The following CAPZB variants were observed in gnomAD, a reference collection of about 807,000 sequenced individuals.
CAPZB encodes capping actin protein of muscle Z-line subunit beta, also known as F-actin-capping protein subunit beta.
In CAPZB, 2 loss-of-function variants were observed where a neutral mutation model predicts 38.1. That is an observed-to-expected ratio of 0.05 (90% CI 0.02 to 0.17). CAPZB has a LOEUF of 0.17. CAPZB is among the 10% of genes least tolerant of loss of function. The pLI is 1.00. For missense variants in CAPZB, 161 were observed against 334.2 expected (o/e 0.48, Z 4.04); for synonymous variants, 107 against 127.4 (o/e 0.84, Z 1.08).
chr1:19,346,872 G>A (rs967183560), intron 6 of CAPZB, among the ~76,000 whole-genome samples: 1 of 144,862 alleles, frequency 6.9e-6, no homozygotes, highest in African/African-American at 2.6e-5. Context: ...CGCCCAGGCT[G>A]GAGTGCAATG....
chr1:19,403,921 CCT>C (rs1371203397), intron 2 of CAPZB, among the ~76,000 whole-genome samples: 2 of 152,142 alleles, frequency 1.3e-5, no homozygotes, highest in African/African-American at 4.8e-5. Flanking sequence ...GCAGTTCCTC[CCT>C]GTCACATGCC....
chr1:19,399,454 G>GT (rs1159734480), intron 2 of CAPZB, among the ~76,000 whole-genome samples: 5 of 152,210 alleles, frequency 3.3e-5, no homozygotes, highest in Non-Finnish European at 7.3e-5. Flanking sequence ...AGTCGTAGCT[G>GT]TTTGACTCTT....
chr1:19,418,990 G>A (rs1443002228), intron 2 of CAPZB, among the ~76,000 whole-genome samples: 4 of 152,296 alleles, frequency 2.6e-5, no homozygotes, highest in East Asian at 1.9e-4. Flanking sequence ...AGGGTGATTC[G>A]GCTGGCCTCT....
At chr1:19,407,308 G>A (rs1387753782) in intron 2 of CAPZB, among the ~76,000 whole-genome samples, 1 of 152,156 alleles carries the variant, frequency 6.6e-6, no homozygotes, top group Non-Finnish European at 1.5e-5. Context: ...GGTAGCAGCA[G>A]GTGAGCTGCT....
intron 1 of CAPZB, 30 bp from the exon 2 acceptor site, chr1:19,419,780 T>G: frequency 1.6e-6 from 2 of 1,281,848 alleles, no homozygotes; most frequent in Non-Finnish European, 2.2e-6. Flanking sequence ...AGTGCGTCAG[T>G]CATTTTTGCC....
At chr1:19,437,148 G>A (rs955098223) in intron 1 of CAPZB, among the ~76,000 whole-genome samples, 3 of 152,212 alleles carry the variant, frequency 2.0e-5, no homozygotes, top group African/African-American at 7.2e-5. Context: ...AGATAAAAAG[G>A]TTTCTCATCC....
At chr1:19,363,259 A>ATT (rs1558186990) in intron 4 of CAPZB, among the ~76,000 whole-genome samples, 5 of 83,606 alleles carry the variant, frequency 6.0e-5, no homozygotes, top group East Asian at 1.0e-3. Context: ...TTAAAAAAAA[A>ATT]ATTTTTTTTT....
At chr1:19,424,632 A>C (rs1261514168) in intron 1 of CAPZB, 1 of 152,356 alleles carries the variant, frequency 6.6e-6, no homozygotes, top group African/African-American at 2.4e-5. Context: ...GAGAGGGCTT[A>C]GGACTCAGGA....
chr1:19,421,431 A>G (rs1167090632), intron 1 of CAPZB, among the ~76,000 whole-genome samples: 5 of 152,254 alleles, frequency 3.3e-5, no homozygotes. Context: ...CTTGCTCAAG[A>G]TGGCTATCAG....
chr1:19,342,840 G>GAA (rs2093938153), intron 8 of CAPZB: 1 of 1,609,634 alleles, frequency 6.2e-7, no homozygotes, highest in Non-Finnish European at 8.5e-7. Context: ...TAAACTTTTG[G>GAA]TTGTCAGGGA....
intron 1 of CAPZB, among the ~76,000 whole-genome samples, chr1:19,453,902 C>T (rs2094524681): frequency 7.6e-6 from 1 of 132,144 alleles, no homozygotes; most frequent in African/African-American, 2.7e-5. Context: ...GACATCCCTA[C>T]TGCCATTTTA....
chr1:19,476,680 G>A (rs186356469), intron 1 of CAPZB, among the ~76,000 whole-genome samples: 4 of 152,382 alleles, frequency 2.6e-5, no homozygotes, highest in Non-Finnish European at 5.9e-5. Context: ...CCACACAGTG[G>A]CCGACGCTAG....
chr1:19,420,535 G>C (rs1314520663), intron 1 of CAPZB, among the ~76,000 whole-genome samples: 1 of 145,680 alleles, frequency 6.9e-6, no homozygotes, highest in Non-Finnish European at 1.5e-5. Flanking sequence ...TCCCACCTCA[G>C]CCTCCAAAGT....
chr1:19,455,522 A>G (rs2094530325), intron 1 of CAPZB, among the ~76,000 whole-genome samples: 1 of 152,192 alleles, frequency 6.6e-6, no homozygotes, highest in Non-Finnish European at 1.5e-5. Context: ...GTCCTGTCAC[A>G]CGCTAGTGGT....
At chr1:19,360,843 C>T (rs2094049116) in intron 4 of CAPZB, among the ~76,000 whole-genome samples, 1 of 152,164 alleles carries the variant, frequency 6.6e-6, no homozygotes, top group Non-Finnish European at 1.5e-5. Flanking sequence ...AAAATGCAAG[C>T]TCAATTGTCA....
At chr1:19,419,172 T>C (rs1043816684) in intron 2 of CAPZB, among the ~76,000 whole-genome samples, 9 of 152,214 alleles carry the variant, frequency 5.9e-5, no homozygotes, top group African/African-American at 2.2e-4. Context: ...AAAAACTAGA[T>C]GTGACGGGCC....
intron 6 of CAPZB, among the ~76,000 whole-genome samples, chr1:19,353,897 G>A (rs214339): frequency 0.21 from 31,732 of 152,212 alleles, 3,736 homozygotes; most frequent in South Asian, 0.32. Context: ...CTGCTTGCGG[G>A]GCCTGCTTGC....
intron 2 of CAPZB, among the ~76,000 whole-genome samples, chr1:19,388,451 T>C (rs1178159061): frequency 2.0e-5 from 3 of 152,050 alleles, no homozygotes; most frequent in African/African-American, 7.3e-5. Context: ...CAAACTCCAA[T>C]CAACTTTACT....
intron 1 of CAPZB, among the ~76,000 whole-genome samples, chr1:19,465,045 CCT>C (rs1157911621): frequency 1.3e-5 from 2 of 152,022 alleles, no homozygotes; most frequent in Admixed American, 6.6e-5. Flanking sequence ...CAAATAATAC[CCT>C]GATTAAAAAC....
Sources: allele counts gnomAD v4.1 joint callset (sites outside exome capture counted in the v4.1 genomes callset), GRCh38; gene constraint gnomAD v4.1.1; transcripts MANE v1.5; gene names NCBI Gene and HGNC (gene_info 2026-07-23, HGNC 2026-07-21).